The following CRYL1 variants were observed in gnomAD, a reference collection of about 807,000 sequenced individuals.
CRYL1 encodes lambda-crystallin homolog.
In CRYL1, 29 loss-of-function variants were observed where a neutral mutation model predicts 36.6. That is an observed-to-expected ratio of 0.79 (90% CI 0.59 to 1.08). The LOEUF (loss-of-function observed/expected upper bound fraction) is 1.08, where lower values mean the gene tolerates loss of function less well. Among genes scored for constraint, CRYL1 ranks in the 50% least tolerant of loss-of-function variants. CRYL1 has a pLI of 0.00. For synonymous variants in CRYL1, 152 were observed against 151.5 expected, an observed-to-expected ratio of 1.00 and a Z score of -0.02; for missense variants, 411 against 407.9, an observed-to-expected ratio of 1.01 and a Z score of -0.06.
intron 2 of CRYL1, among the ~76,000 whole-genome samples, chr13:20,507,737 T>C (rs1049248571): frequency 4.0e-5 from 6 of 151,844 alleles, no homozygotes; most frequent in African/African-American, 1.5e-4. Flanking sequence ...GCTAACACAG[T>C]GAAACCCCGT....
chr13:20,460,993 T>C (rs12877287), intron 3 of CRYL1, among the ~76,000 whole-genome samples: 9 of 152,116 alleles, frequency 5.9e-5, no homozygotes, highest in Non-Finnish European at 1.3e-4. Flanking sequence ...GGCCTCACGG[T>C]GGGGATCCTC....
intron 1 of CRYL1, among the ~76,000 whole-genome samples, chr13:20,514,302 G>A (rs1169003572): frequency 2.0e-5 from 3 of 152,214 alleles, no homozygotes; most frequent in African/African-American, 7.2e-5. Flanking sequence ...CACATTGAGA[G>A]TATGCACTCT....
At chr13:20,460,822 G>A (rs1264543240) in intron 3 of CRYL1, among the ~76,000 whole-genome samples, 1 of 152,082 alleles carries the variant, frequency 6.6e-6, no homozygotes, top group Non-Finnish European at 1.5e-5. Context: ...ACTGCGCCCC[G>A]CCGGCAGCTG....
intron 5 of CRYL1, among the ~76,000 whole-genome samples, chr13:20,414,255 T>TTGTGTG (rs748950328): frequency 4.6e-5 from 7 of 151,286 alleles, no homozygotes; most frequent in African/African-American, 1.7e-4. Context: ...AAGAGATTTT[T>TTGTGTG]TGTGTGTGTG....
At chr13:20,451,360 T>C (rs36086556) in intron 3 of CRYL1, among the ~76,000 whole-genome samples, 6,978 of 152,188 alleles carry the variant, frequency 0.046, 337 homozygotes, top group Admixed American at 0.16. Flanking sequence ...AGACAACCTA[T>C]GGATTGGGAG....
intron 3 of CRYL1, among the ~76,000 whole-genome samples, chr13:20,443,142 G>T (rs2032382148): frequency 6.6e-6 from 1 of 152,102 alleles, no homozygotes. Flanking sequence ...TTTATGGTTA[G>T]TAAAAGTTAC....
chr13:20,436,663 G>C (rs1430439997), intron 4 of CRYL1, among the ~76,000 whole-genome samples: 1 of 152,148 alleles, frequency 6.6e-6, no homozygotes, highest in Non-Finnish European at 1.5e-5. Context: ...GTACGAGCCC[G>C]CCTGGCCAGC....
At chr13:20,482,739 C>CGTG (rs2033303055) in intron 3 of CRYL1, among the ~76,000 whole-genome samples, 1 of 150,814 alleles carries the variant, frequency 6.6e-6, no homozygotes, top group African/African-American at 2.4e-5. Context: ...GGCAAGCAGT[C>CGTG]TGTGTGTGTG....
chr13:20,413,763 A>G (rs1354934957), intron 5 of CRYL1, among the ~76,000 whole-genome samples: 2 of 152,222 alleles, frequency 1.3e-5, no homozygotes, highest in Non-Finnish European at 2.9e-5. Flanking sequence ...ATCTCATTTC[A>G]GTGCTCAAAA....
At chr13:20,466,446 G>A (rs1017491075) in intron 3 of CRYL1, among the ~76,000 whole-genome samples, 1 of 152,142 alleles carries the variant, frequency 6.6e-6, no homozygotes, top group African/African-American at 2.4e-5. Context: ...ATCAGTGAAA[G>A]AACCATTAAA....
chr13:20,430,364 A>C, intron 5 of CRYL1: 2 of 985,362 alleles, frequency 2.0e-6, no homozygotes, highest in Non-Finnish European at 2.4e-6. Flanking sequence ...CACAGCAGCC[A>C]ACACAGAGAC....
chr13:20,404,833 C>A, intron 6 of CRYL1, 92 bp from the exon 7 acceptor site: 1 of 886,812 alleles, frequency 1.1e-6, no homozygotes, highest in Non-Finnish European at 1.9e-6. Context: ...GAGTTTCACC[C>A]TGGGGTCAGA....
intron 3 of CRYL1, among the ~76,000 whole-genome samples, chr13:20,489,071 C>G (rs1052274640): frequency 2.6e-5 from 4 of 152,142 alleles, no homozygotes; most frequent in African/African-American, 9.7e-5. Flanking sequence ...TCCAGAAAAC[C>G]TATTTTTGCT....
intron 5 of CRYL1, among the ~76,000 whole-genome samples, chr13:20,428,179 G>A (rs1041556900): frequency 5.9e-5 from 9 of 152,174 alleles, no homozygotes; most frequent in African/African-American, 2.2e-4. Flanking sequence ...GCTAGAACAG[G>A]CTGAGTATCC....
At chr13:20,444,302 A>G (rs1168702501) in intron 3 of CRYL1, among the ~76,000 whole-genome samples, 5 of 152,236 alleles carry the variant, frequency 3.3e-5, no homozygotes, top group Admixed American at 3.3e-4. Flanking sequence ...AAAGCATATT[A>G]CCAATCCTAA....
chr13:20,470,910 C>CAAAAA (rs11353451), intron 3 of CRYL1, among the ~76,000 whole-genome samples: 4 of 40,884 alleles, frequency 9.8e-5, no homozygotes, highest in East Asian at 7.2e-4. Flanking sequence ...AACTCCATCT[C>CAAAAA]AAAAAAAAAA....
chr13:20,510,872 T>C (rs1301222849), intron 2 of CRYL1, among the ~76,000 whole-genome samples: 3 of 151,866 alleles, frequency 2.0e-5, no homozygotes, highest in African/African-American at 7.3e-5. Context: ...TTACGAGAAT[T>C]TAATACAGTA....
intron 3 of CRYL1, among the ~76,000 whole-genome samples, chr13:20,466,245 CAG>C (rs1196326589): frequency 6.6e-6 from 1 of 152,072 alleles, no homozygotes; most frequent in African/African-American, 2.4e-5. Flanking sequence ...AATCTCCAAA[CAG>C]AGGGGATTAG....
intron 3 of CRYL1, among the ~76,000 whole-genome samples, chr13:20,473,687 C>T (rs994855797): frequency 1.3e-5 from 2 of 152,200 alleles, no homozygotes; most frequent in Non-Finnish European, 2.9e-5. Flanking sequence ...GAAAGTGGGG[C>T]TAGGTACTTG....
Sources: gnomAD v4.1 joint callset for allele counts (sites outside exome capture counted in the v4.1 genomes callset) on GRCh38, gnomAD v4.1.1 for gene constraint, MANE v1.5 for transcripts, NCBI Gene and HGNC (gene_info 2026-07-23, HGNC 2026-07-21) for gene names.